Variants in MAST4 observed in about 807,000 individuals in gnomAD.
MAST4 encodes the protein microtubule associated serine/threonine kinase family member 4.
In MAST4, 89 loss-of-function variants were observed where a neutral mutation model predicts 162.7. That is an observed-to-expected ratio of 0.55 (90% confidence interval 0.46 to 0.65). The LOEUF (loss-of-function observed/expected upper bound fraction) is 0.65, where lower values mean the gene tolerates loss of function less well. Ranked by LOEUF, MAST4 falls within the 30% of genes least tolerant of loss-of-function variation. The pLI is 0.00. For missense variants in MAST4, 3,153 were observed against 3,374.0 expected (o/e 0.93, Z 1.62); for synonymous variants, 1,479 against 1,361.1 (o/e 1.09, Z -1.91).
intron 4 of MAST4, among the ~76,000 whole-genome samples, chr5:67,037,707 A>G (rs1159339195): frequency 1.3e-5 from 2 of 152,180 alleles, no homozygotes; most frequent in Admixed American, 6.5e-5. Flanking sequence ...AAACTAATCA[A>G]TGTTCTTTCT....
At chr5:66,770,030 T>G (rs542083882) in intron 2 of MAST4, among the ~76,000 whole-genome samples, 15 of 152,320 alleles carry the variant, frequency 9.8e-5, no homozygotes, top group South Asian at 2.1e-4. Context: ...CTTGAGTCGG[T>G]CTAGTGTGGT....
At chr5:66,842,454 C>G (rs1156743215) in intron 3 of MAST4, among the ~76,000 whole-genome samples, 3 of 151,950 alleles carry the variant, frequency 2.0e-5, no homozygotes, top group Non-Finnish European at 4.4e-5. Context: ...CCTACCCCCT[C>G]CCGCCCCGCC....
chr5:66,632,145 T>G (rs1744832588), intron 1 of MAST4, among the ~76,000 whole-genome samples: 1 of 152,222 alleles, frequency 6.6e-6, no homozygotes, highest in South Asian at 2.1e-4. Context: ...AAAATTTATA[T>G]GTTGGAGTCC....
chr5:66,866,526 T>C (rs1283989974), intron 3 of MAST4, among the ~76,000 whole-genome samples: 2 of 152,234 alleles, frequency 1.3e-5, no homozygotes, highest in Non-Finnish European at 2.9e-5. Context: ...CTTATTTTCA[T>C]GGAATATTTT....
intron 3 of MAST4, among the ~76,000 whole-genome samples, chr5:66,880,807 A>G (rs1335052010): frequency 6.6e-6 from 1 of 152,200 alleles, no homozygotes; most frequent in Admixed American, 6.5e-5. Context: ...AAAAATACCA[A>G]AGGTAAAAAA....
At chr5:67,080,215 T>C (rs1561624627) in intron 5 of MAST4, among the ~76,000 whole-genome samples, 1 of 152,198 alleles carries the variant, frequency 6.6e-6, no homozygotes, top group Admixed American at 6.5e-5. Flanking sequence ...TAGCAAAGTG[T>C]CCAGCATATA....
chr5:66,920,831 A>G (rs1271809461), intron 4 of MAST4, among the ~76,000 whole-genome samples: 1 of 152,164 alleles, frequency 6.6e-6, no homozygotes, highest in African/African-American at 2.4e-5. Context: ...AGGGCTGCCT[A>G]ATTTCTAATG....
At chr5:66,680,434 T>C (rs1203741503) in intron 1 of MAST4, among the ~76,000 whole-genome samples, 1 of 152,206 alleles carries the variant, frequency 6.6e-6, no homozygotes, top group Admixed American at 6.5e-5. Flanking sequence ...CAGTCCCCTC[T>C]GTGTCTGCTG....
At chr5:66,648,069 T>TGA (rs1745969974) in intron 1 of MAST4, among the ~76,000 whole-genome samples, 1 of 90,606 alleles carries the variant, frequency 1.1e-5, no homozygotes, top group African/African-American at 4.3e-5. Context: ...TGTGTGTGTG[T>TGA]GTGTGTGTGT....
chr5:66,814,785 A>G (rs1308616145), intron 3 of MAST4, among the ~76,000 whole-genome samples: 1 of 152,264 alleles, frequency 6.6e-6, no homozygotes, highest in Non-Finnish European at 1.5e-5. Flanking sequence ...ATTGCCAGGA[A>G]GAACTTTTTA....
chr5:66,874,887 A>G (rs1761189511), intron 3 of MAST4, among the ~76,000 whole-genome samples: 1 of 152,182 alleles, frequency 6.6e-6, no homozygotes, highest in Admixed American at 6.5e-5. Flanking sequence ...TCTGAAGAAT[A>G]AGTGTCTTTG....
chr5:66,874,116 T>C (rs1371266245), intron 3 of MAST4, among the ~76,000 whole-genome samples: 1 of 152,204 alleles, frequency 6.6e-6, no homozygotes, highest in Non-Finnish European at 1.5e-5. Flanking sequence ...ATAAGTATTG[T>C]GCCTCTGATT....
At chr5:67,141,231 G>C (rs995060565) in intron 19 of MAST4, among the ~76,000 whole-genome samples, 8 of 152,190 alleles carry the variant, frequency 5.3e-5, no homozygotes, top group Non-Finnish European at 1.2e-4. Context: ...TTTTGGCAGG[G>C]AGGCTGATTA....
chr5:66,735,883 A>G (rs1580326750), intron 1 of MAST4, among the ~76,000 whole-genome samples: 1 of 152,198 alleles, frequency 6.6e-6, no homozygotes, highest in East Asian at 1.9e-4. Flanking sequence ...ACAGGTGACA[A>G]CACACTGCCT....
In MAST4 at chr5:67,081,112, A is replaced by G. The variant is rs552424909; in HGVS notation, c.764-9050A>G. Among the ~76,000 whole-genome samples the G allele has an allele frequency of 1.1e-3, 161 of 142,788 alleles. 1 individual carries two copies. Among genetic ancestry groups the G allele is most frequent in the Non-Finnish European group, 1.8e-3 (121 of 66,686 alleles). 93.7% of individuals were successfully genotyped at this position (142,788 alleles called of 152,430 possible). On this transcript the variant is annotated intron_variant, in intron 5 of 28. Transcript: ENST00000403625. ...TATAATATATAATTGTATATATTATATATTTTTTTTTAACAGAGGTTTTAA... is the reference window on the plus strand; with the variant it reads ...TATAATATATAATTGTATATATTATGTATTTTTTTTTAACAGAGGTTTTAA...
chr5:66,786,647 A>G (rs529888971), intron 2 of MAST4, among the ~76,000 whole-genome samples: 5 of 152,278 alleles, frequency 3.3e-5, no homozygotes, highest in Admixed American at 3.3e-4. Context: ...GCTCTTCCTC[A>G]TTAATTACCT....
intron 3 of MAST4, among the ~76,000 whole-genome samples, chr5:66,842,726 T>C (rs541166320): frequency 1.9e-4 from 29 of 152,308 alleles, no homozygotes; most frequent in Non-Finnish European, 4.0e-4. Context: ...TGAGAGTCTA[T>C]ACATTTGACC....
chr5:66,733,162 A>G (rs1190134462), intron 1 of MAST4, among the ~76,000 whole-genome samples: 7 of 152,080 alleles, frequency 4.6e-5, no homozygotes, highest in Admixed American at 4.6e-4. Context: ...TTGCCTATGA[A>G]ATACAGGCAT....
At chr5:66,911,707 C>T (rs1407933987) in intron 4 of MAST4, among the ~76,000 whole-genome samples, 1 of 151,896 alleles carries the variant, frequency 6.6e-6, no homozygotes. Flanking sequence ...GCACTTTAGC[C>T]TGGGCAACAG....
Sources: allele counts gnomAD v4.1 joint callset (sites outside exome capture counted in the v4.1 genomes callset), GRCh38; gene constraint gnomAD v4.1.1; transcripts MANE v1.5; gene names NCBI Gene and HGNC (gene_info 2026-07-23, HGNC 2026-07-21).